Variants in PIAS1 observed in about 807,000 individuals in gnomAD.
PIAS1 encodes the protein E3 SUMO-protein ligase PIAS1.
A neutral mutation model predicts 71.3 loss-of-function variants in PIAS1; 6 were observed. That is an observed-to-expected ratio of 0.08 (90% confidence interval 0.05 to 0.17). The LOEUF (loss-of-function observed/expected upper bound fraction) is 0.17, where lower values mean the gene tolerates loss of function less well. PIAS1 is among the 10% of genes least tolerant of loss of function. The probability of loss-of-function intolerance (pLI) is 1.00; values close to 1 mark genes in which losing one functional copy is unlikely to be tolerated. For missense variants in PIAS1, 555 were observed against 793.6 expected, an observed-to-expected ratio of 0.70 and a Z score of 3.61; for synonymous variants, 303 against 292.9, an observed-to-expected ratio of 1.03 and a Z score of -0.35.
chr15:68,066,808 T>C (rs1179055823), intron 1 of PIAS1, among the ~76,000 whole-genome samples: 2 of 152,104 alleles, frequency 1.3e-5, no homozygotes, highest in Non-Finnish European at 2.9e-5. Flanking sequence ...AAAAAAAGTA[T>C]AGTATTTTGT....
At chr15:68,154,760 C>T (rs967425559) in intron 7 of PIAS1, among the ~76,000 whole-genome samples, 2 of 152,212 alleles carry the variant, frequency 1.3e-5, no homozygotes, top group African/African-American at 4.8e-5. Flanking sequence ...TGTAGGCATG[C>T]ATTGACAGAT....
intron 2 of PIAS1, among the ~76,000 whole-genome samples, chr15:68,139,111 A>G (rs2092753195): frequency 6.6e-6 from 1 of 152,188 alleles, no homozygotes; most frequent in Admixed American, 6.5e-5. Context: ...CAGAGCGTGT[A>G]TGTTTCTGTG....
chr15:68,109,333 A>G (rs954090392), intron 2 of PIAS1, among the ~76,000 whole-genome samples: 2 of 152,196 alleles, frequency 1.3e-5, no homozygotes, highest in African/African-American at 4.8e-5. Flanking sequence ...AGCATCTGAC[A>G]TACTTTACTA....
intron 2 of PIAS1, among the ~76,000 whole-genome samples, chr15:68,138,019 C>T (rs1329938264): frequency 1.3e-5 from 2 of 151,828 alleles, no homozygotes; most frequent in African/African-American, 2.4e-5. Context: ...ATGGTGGCAC[C>T]CACTATTGTA....
chr15:68,180,185 C>T (rs996358113), intron 11 of PIAS1, among the ~76,000 whole-genome samples: 1 of 152,074 alleles, frequency 6.6e-6, no homozygotes, highest in African/African-American at 2.4e-5. Flanking sequence ...CATGCAGCCT[C>T]GACCCCCCAG....
At chr15:68,119,441 T>TA (rs34002633) in intron 2 of PIAS1, among the ~76,000 whole-genome samples, 4,139 of 141,088 alleles carry the variant, frequency 0.029, 160 homozygotes, top group African/African-American at 0.091. Context: ...CAAAACTCCA[T>TA]AAAAAAAAAA....
chr15:68,067,861 C>T (rs923732448), intron 1 of PIAS1, among the ~76,000 whole-genome samples: 1 of 152,116 alleles, frequency 6.6e-6, no homozygotes, highest in African/African-American at 2.4e-5. Flanking sequence ...ATCCTCTCTT[C>T]CCCATTTCTT....
chr15:68,128,204 C>T (rs899056533), intron 2 of PIAS1, among the ~76,000 whole-genome samples: 23 of 152,240 alleles, frequency 1.5e-4, no homozygotes, highest in Middle Eastern at 6.8e-3. Flanking sequence ...CTCACTCTGC[C>T]GCCCATACTA....
intron 1 of PIAS1, among the ~76,000 whole-genome samples, chr15:68,069,042 C>T (rs1159730894): frequency 2.0e-5 from 3 of 151,410 alleles, no homozygotes; most frequent in Non-Finnish European, 4.4e-5. Flanking sequence ...ATTACAGGTG[C>T]GCACCACCGT....
chr15:68,080,790 C>T (rs1446008595), intron 1 of PIAS1, among the ~76,000 whole-genome samples: 3 of 152,136 alleles, frequency 2.0e-5, no homozygotes, highest in Non-Finnish European at 4.4e-5. Flanking sequence ...ATTATTAAAT[C>T]CCTATTTTGT....
chr15:68,185,202 G>A lies in PIAS1; in HGVS notation c.1662+1535G>A, dbSNP rs1460888679. Among the ~76,000 whole-genome samples, 1 of 152,132 alleles carries A rather than the reference G, an allele frequency of 6.6e-6. No homozygotes were observed. The highest frequency in any genetic ancestry group is 2.4e-5 in the African/African-American group (1 of 41,436). On this transcript the variant is annotated intron_variant, in intron 13 of 13. Coordinates refer to ENST00000249636, the MANE Select transcript of PIAS1 (RefSeq NM_016166.3). This position sits in a 1 kb window ranked among gnomAD's most constrained non-coding sequence, Gnocchi z 4.4. ...AAGGCCTATTAAAAGATCCTAAGGA[G>A]GATCTTTGCCCAGGCTATTGCTGCA...
intron 1 of PIAS1, among the ~76,000 whole-genome samples, chr15:68,073,901 ACT>A (rs1158127357): frequency 3.9e-5 from 6 of 152,190 alleles, no homozygotes; most frequent in African/African-American, 1.4e-4. Context: ...TCTCTTGCAG[ACT>A]CTGAATTAGA....
chr15:68,055,182 C>G, intron 1 of PIAS1: 1 of 984,734 alleles, frequency 1.0e-6, no homozygotes, highest in South Asian at 4.7e-5. Flanking sequence ...TGAGAGGAGC[C>G]TTTGGGGGTC....
intron 1 of PIAS1, among the ~76,000 whole-genome samples, chr15:68,079,056 T>A (rs2092200478): frequency 6.6e-6 from 1 of 152,062 alleles, no homozygotes; most frequent in Admixed American, 6.5e-5. Context: ...TTTTTTTTTT[T>A]TTTCAAAGTG....
In PIAS1 at chr15:68,167,191, TTGTG is replaced by T. The variant is rs71725124; in HGVS notation, c.1008+2407_1008+2410del. Among the ~76,000 whole-genome samples the T allele has an allele frequency of 7.7e-4, 115 of 149,578 alleles. No individual in the cohort carries two copies. In the Middle Eastern group the frequency reaches 0.01, roughly 14 times the overall value. The stretch of plus-strand genomic sequence containing the variant: ...AAAACAAAACAACTATATATGTATA[TTGTG>T]TGTGTGTGTGTGTGTGTGTATGTGT... On this transcript the variant is annotated intron_variant, in intron 8 of 13. Transcript: ENST00000249636. This position sits in a 1 kb window ranked among gnomAD's most constrained non-coding sequence, Gnocchi z 4.4.
At chr15:68,057,384 A>T in intron 1 of PIAS1, 1 of 357,392 alleles carries the variant, frequency 2.8e-6, no homozygotes, top group South Asian at 2.2e-5. Context: ...ATAAGCTGAC[A>T]GCTTCATGAA....
intron 1 of PIAS1, among the ~76,000 whole-genome samples, chr15:68,069,634 C>G (rs1047078799): frequency 1.3e-4 from 19 of 151,972 alleles, no homozygotes; most frequent in African/African-American, 4.4e-4. Flanking sequence ...AACCGCGTCT[C>G]TACTAAAAAT....
chr15:68,112,724 G>C (rs2092532810), intron 2 of PIAS1, among the ~76,000 whole-genome samples: 1 of 152,150 alleles, frequency 6.6e-6, no homozygotes, highest in Admixed American at 6.5e-5. Flanking sequence ...AGGAAATCTA[G>C]AACTCTCATA....
At position 68,188,466 on chromosome 15, in the gene PIAS1, G is replaced by A. The variant is rs1457465017; in HGVS notation, c.*631G>A. 1 of 152,328 alleles carries A rather than the reference G, an allele frequency of 6.6e-6. No individual in the cohort carries two copies. The highest frequency in any genetic ancestry group is 1.9e-4 in the East Asian group (1 of 5,188). The allele number at this position is 152,328 out of a possible 1,614,324, so 9.4% of individuals were successfully genotyped here. ...CTGTATGTATTTTTCTGTCATCACTGTTCCCTCTCCTCCCGAGTGTGCATT... is the reference window on the plus strand; with the variant it reads ...CTGTATGTATTTTTCTGTCATCACTATTCCCTCTCCTCCCGAGTGTGCATT... On this transcript the variant is annotated 3_prime_UTR_variant, in exon 14 of 14. Transcript: ENST00000249636.
Sources: allele counts gnomAD v4.1 joint callset (sites outside exome capture counted in the v4.1 genomes callset), GRCh38; gene constraint gnomAD v4.1.1; non-coding constraint Gnocchi (gnomAD v3.1); transcripts MANE v1.5; gene names NCBI Gene and HGNC (gene_info 2026-07-23, HGNC 2026-07-21).